SEH1L: variants seen among roughly 807,000 people sequenced by gnomAD.
SEH1L encodes SEH1 like nucleoporin, also known as nucleoporin SEH1.
Under a neutral mutation model 49.5 loss-of-function variants are expected in SEH1L, and 18 were observed. That is an observed-to-expected ratio of 0.36 (90% CI 0.25 to 0.54). The LOEUF (loss-of-function observed/expected upper bound fraction) is 0.54, where lower values mean the gene tolerates loss of function less well. Ranked by LOEUF, SEH1L falls within the 20% of genes least tolerant of loss-of-function variation. The pLI, the probability that SEH1L is intolerant of heterozygous loss-of-function variation, is 0.87. For synonymous variants in SEH1L, 169 were observed against 178.1 expected, an observed-to-expected ratio of 0.95 and a Z score of 0.41; for missense variants, 404 against 528.8, an observed-to-expected ratio of 0.76 and a Z score of 2.31.
At chr18:12,969,953 A>C (rs151055946) in intron 4 of SEH1L, among the ~76,000 whole-genome samples, 1 of 152,336 alleles carries the variant, frequency 6.6e-6, no homozygotes, top group African/African-American at 2.4e-5. Context: ...TGGAATTTAC[A>C]TCTATTTGAA....
intron 8 of SEH1L, chr18:12,986,492 A>C: frequency 1.0e-6 from 1 of 987,982 alleles, no homozygotes; most frequent in Non-Finnish European, 1.2e-6. Context: ...AAAAAACTTA[A>C]CTAGATCTGT....
chr18:12,951,466 C>G (rs1205306090), intron 1 of SEH1L, among the ~76,000 whole-genome samples: 1 of 152,196 alleles, frequency 6.6e-6, no homozygotes, highest in Non-Finnish European at 1.5e-5. Context: ...TGTCAGCTCA[C>G]TGCGACCTCC....
chr18:12,985,203 A>C, intron 8 of SEH1L: 1 of 1,596,852 alleles, frequency 6.3e-7, no homozygotes. Context: ...TCTGTGATGC[A>C]TTTTCCCTTT....
At chr18:12,956,465 A>T (rs1303550521) in intron 3 of SEH1L, among the ~76,000 whole-genome samples, 1 of 147,712 alleles carries the variant, frequency 6.8e-6, no homozygotes, top group East Asian at 1.9e-4. Flanking sequence ...AAAAAAAAAA[A>T]AAGAAAAGAA....
In SEH1L at chr18:12,975,255, G is replaced by T. The variant is rs541304807; in HGVS notation, c.621-3497G>T. Among the ~76,000 whole-genome samples, 14 of 152,118 alleles carry T rather than the reference G, an allele frequency of 9.2e-5. 1 individual carries two copies. In the East Asian group the frequency reaches 1.4e-3, roughly 15 times the overall value. ...GATCTGCCTGCTTCGGCCTCCCAAA[G>T]TGTTGGGATTACAGGCGTGAGCCAC... On this transcript the variant is annotated intron_variant, in intron 5 of 8. Transcript: ENST00000399892.
intron 6 of SEH1L, among the ~76,000 whole-genome samples, chr18:12,979,772 C>T (rs1335638225): frequency 2.2e-5 from 3 of 134,776 alleles, no homozygotes; most frequent in Non-Finnish European, 3.2e-5. Context: ...CCCTCCCGGA[C>T]GGGGCGGCTG....
Position 12,948,244 on chromosome 18 carries a change from G to T in SEH1L, c.111+12G>T, listed in dbSNP as rs535040991. Reference sequence around the variant, plus strand: ...ATCAGAGCGTTAAGGTGCGCGCGGCGCTTGCGGGCGGGGCCGACCCCGGAA... The same window carrying T: ...ATCAGAGCGTTAAGGTGCGCGCGGCTCTTGCGGGCGGGGCCGACCCCGGAA... On this transcript the variant is annotated intron_variant, in intron 1 of 8. Transcript: ENST00000399892. The T allele has an allele frequency of 6.2e-7, 1 of 1,605,590 alleles. No homozygotes were observed. Among genetic ancestry groups the T allele is most frequent in the African/African-American group, 1.3e-5 (1 of 74,428 alleles).
chr18:12,957,195 A>G (rs982293481), intron 3 of SEH1L, among the ~76,000 whole-genome samples: 11 of 152,264 alleles, frequency 7.2e-5, no homozygotes, highest in African/African-American at 2.7e-4. Context: ...TAGGAGGCCA[A>G]AATGGACAGA....
Position 12,978,819 on chromosome 18 carries a change from A to T in SEH1L, c.688A>T (p.Asn230Tyr). The stretch of plus-strand genomic sequence containing the variant: ...TGTTCATGATATTGCATTCGCTCCA[A>T]ATTTGGGAAGATCTTTCCATATTCT... ...DPVHDIAFAPNLGRSFHILAI... is the reference protein window; with the variant it reads ...DPVHDIAFAPYLGRSFHILAI... Residue 230 changes from asparagine (N) to tyrosine (Y), a missense_variant, in exon 6 of 9, where the codon AAT becomes TAT. Physicochemically the swap from Asn to Tyr is moderately radical, Grantham distance 143. Around this residue, in one of 3 missense-constraint regions of SEH1L, gnomAD observed 342 missense variants for 430.8 expected, o/e 0.79. Transcript: ENST00000399892. 1 of 1,614,010 alleles carries T rather than the reference A, an allele frequency of 6.2e-7. No individual in the cohort carries two copies. Among genetic ancestry groups the T allele is most frequent in the Non-Finnish European group, 8.5e-7 (1 of 1,179,890 alleles).
At chr18:12,967,689 G>A (rs970453766) in intron 4 of SEH1L, among the ~76,000 whole-genome samples, 8 of 152,248 alleles carry the variant, frequency 5.3e-5, no homozygotes, top group South Asian at 2.1e-4. Context: ...TGAGGCGGGC[G>A]GATCACTTGA....
chr18:12,971,035 C>T, intron 4 of SEH1L, 118 bp from the exon 5 acceptor site: 1 of 682,588 alleles, frequency 1.5e-6, no homozygotes, highest in Non-Finnish European at 2.6e-6. Context: ...CCTAGATTCA[C>T]TAGTAGTGTG....
At chr18:12,979,981 G>A (rs2032115717) in intron 6 of SEH1L, among the ~76,000 whole-genome samples, 1 of 137,690 alleles carries the variant, frequency 7.3e-6, no homozygotes, top group African/African-American at 2.7e-5. Flanking sequence ...CCCGGACGGG[G>A]CGGCTGGCCG....
chr18:12,983,273 T>G (rs983696049), intron 7 of SEH1L: 5 of 152,284 alleles, frequency 3.3e-5, no homozygotes, highest in African/African-American at 9.6e-5. Flanking sequence ...TGTCCCATAC[T>G]TAGCATTCAG....
chr18:12,980,072 G>A (rs1267071216), intron 6 of SEH1L, among the ~76,000 whole-genome samples: 10 of 71,796 alleles, frequency 1.4e-4, no homozygotes, highest in East Asian at 1.4e-3. Flanking sequence ...GCGGCTGGCC[G>A]GGCGGGGGGC....
chr18:12,979,551 G>A (rs2032075429), intron 6 of SEH1L, among the ~76,000 whole-genome samples: 1 of 152,166 alleles, frequency 6.6e-6, no homozygotes, highest in Admixed American at 6.5e-5. Flanking sequence ...AACCACCATT[G>A]TCATCATGGC....
chr18:12,961,093 G>T (rs759169432), intron 3 of SEH1L, among the ~76,000 whole-genome samples: 8 of 152,206 alleles, frequency 5.3e-5, no homozygotes, highest in Non-Finnish European at 1.2e-4. Context: ...CCCTTGGGGT[G>T]GGCAGTCCGC....
chr18:12,950,626 C>T (rs1355614720), intron 1 of SEH1L, among the ~76,000 whole-genome samples: 2 of 152,024 alleles, frequency 1.3e-5, no homozygotes, highest in African/African-American at 4.8e-5. Flanking sequence ...TTTTCTTAGG[C>T]TAATTCTAGA....
At chr18:12,970,488 A>C (rs982851093) in intron 4 of SEH1L, among the ~76,000 whole-genome samples, 1 of 152,204 alleles carries the variant, frequency 6.6e-6, no homozygotes, top group African/African-American at 2.4e-5. Context: ...TGGCACGATC[A>C]TAGCTCACTG....
At chr18:12,957,484 C>T (rs189810142) in intron 3 of SEH1L, among the ~76,000 whole-genome samples, 1 of 152,068 alleles carries the variant, frequency 6.6e-6, no homozygotes, top group East Asian at 1.9e-4. Flanking sequence ...GCTGTCTTTG[C>T]CTTATTGGAT....
Sources: allele counts gnomAD v4.1 joint callset (sites outside exome capture counted in the v4.1 genomes callset), GRCh38; gene constraint gnomAD v4.1.1; regional missense constraint gnomAD v4.1.1; transcripts MANE v1.5; gene names NCBI Gene and HGNC (gene_info 2026-07-23, HGNC 2026-07-21).